Variants in LRRC4C observed in about 807,000 individuals in gnomAD.
The protein encoded by LRRC4C is leucine rich repeat containing 4C.
Under a neutral mutation model 33.6 loss-of-function variants are expected in LRRC4C, and 5 were observed. The ratio of observed to expected loss-of-function variants is 0.15; its 90% CI spans 0.08 to 0.31. The LOEUF (loss-of-function observed/expected upper bound fraction) is 0.31, where lower values mean the gene tolerates loss of function less well. Among genes scored for constraint, LRRC4C ranks in the 10% least tolerant of loss-of-function variants. The pLI is 1.00. For synonymous variants in LRRC4C, 329 were observed against 302.0 expected (o/e 1.09, Z -0.93); for missense variants, 560 against 796.7 (o/e 0.70, Z 3.58).
At chr11:41,373,127 G>T (rs1203749001) in intron 1 of LRRC4C, among the ~76,000 whole-genome samples, 4 of 152,112 alleles carry the variant, frequency 2.6e-5, no homozygotes, top group African/African-American at 7.2e-5. Context: ...CATTAGGAAA[G>T]AGTAGAGTCT....
At position 40,340,637 on chromosome 11, in the gene LRRC4C, T is replaced by A. The variant is rs189985712; in HGVS notation, c.-269-20916A>T. ...ACATTCTTTCATTTAATTCTTACAATTCTACAATATAGGAATTTTATAGCT... is the reference window on the plus strand; with the variant it reads ...ACATTCTTTCATTTAATTCTTACAAATCTACAATATAGGAATTTTATAGCT... On this transcript the variant is annotated intron_variant, in intron 3 of 6. Coordinates refer to ENST00000528697, the MANE Select transcript of LRRC4C (RefSeq NM_001258419.2). Among the ~76,000 whole-genome samples, 106 of 152,294 alleles carry A rather than the reference T, an allele frequency of 7.0e-4. 1 individual carries two copies. The highest frequency in any genetic ancestry group is 1.3e-3 in the Non-Finnish European group (90 of 68,012).
At chr11:40,270,687 G>A (rs1310968557) in intron 4 of LRRC4C, among the ~76,000 whole-genome samples, 2 of 152,096 alleles carry the variant, frequency 1.3e-5, no homozygotes, top group Non-Finnish European at 2.9e-5. Context: ...CAATGAGGTA[G>A]AGGTGAAGAG....
intron 3 of LRRC4C, among the ~76,000 whole-genome samples, chr11:40,427,341 T>TA (rs1299730592): frequency 6.6e-6 from 1 of 151,536 alleles, no homozygotes; most frequent in Non-Finnish European, 1.5e-5. Flanking sequence ...ACATCTCTAC[T>TA]AAAAATACAA....
intron 2 of LRRC4C, among the ~76,000 whole-genome samples, chr11:40,771,603 CT>C (rs1949760303): frequency 6.6e-6 from 1 of 152,194 alleles, no homozygotes; most frequent in Middle Eastern, 3.4e-3. Flanking sequence ...ATTTTCCAAA[CT>C]TTTTTGCTTT....
intron 5 of LRRC4C, among the ~76,000 whole-genome samples, chr11:40,211,636 G>T (rs1308180693): frequency 4.6e-5 from 7 of 152,136 alleles, no homozygotes; most frequent in Admixed American, 4.6e-4. Context: ...CCTACACTGA[G>T]CCCCAAATAT....
chr11:40,153,602 A>G (rs951707756), intron 5 of LRRC4C, among the ~76,000 whole-genome samples: 1 of 152,096 alleles, frequency 6.6e-6, no homozygotes, highest in Non-Finnish European at 1.5e-5. Flanking sequence ...AAAAAACAAT[A>G]AAAAATTCAG....
In LRRC4C at chr11:40,449,345, C is replaced by CAAA. The variant is rs11407596; in HGVS notation, c.-269-129627_-269-129625dup. The stretch of plus-strand genomic sequence containing the variant: ...ACAAAACAAAGCAAAACAAAAGAAG[C>CAAA]AAAAAAAAAAAAATCAACTAAATCA... On this transcript the variant is annotated intron_variant, in intron 3 of 6. Transcript: ENST00000528697. Among the ~76,000 whole-genome samples, 132 of 140,326 alleles carry CAAA rather than the reference C, an allele frequency of 9.4e-4. 2 individuals are homozygous for CAAA. Among genetic ancestry groups the CAAA allele is most frequent in the Admixed American group, 3.9e-3 (54 of 13,996 alleles). The allele number at this position is 140,326 out of a possible 152,430, so 92.1% of individuals were successfully genotyped here.
intron 1 of LRRC4C, among the ~76,000 whole-genome samples, chr11:41,214,745 ATCTCAAAAATAAAATATATATAT>A: frequency 2.7e-5 from 4 of 146,298 alleles, no homozygotes; most frequent in African/African-American, 1.0e-4. Flanking sequence ...GCCAGACTCC[ATCTCAAAAATAAAATATATATAT>A]ATATATACAC....
At chr11:41,146,055 A>G (rs918701238) in intron 1 of LRRC4C, among the ~76,000 whole-genome samples, 1 of 152,218 alleles carries the variant, frequency 6.6e-6, no homozygotes, top group Non-Finnish European at 1.5e-5. Context: ...ATAACTTTAT[A>G]CTACAATTAA....
intron 3 of LRRC4C, among the ~76,000 whole-genome samples, chr11:40,612,007 C>T (rs537778721): frequency 7.9e-5 from 12 of 151,792 alleles, no homozygotes; most frequent in Middle Eastern, 3.4e-3. Context: ...AAAAATAAAA[C>T]GACCATATGA....
Position 41,411,142 on chromosome 11 carries a change from A to ATTTTTTTTTTTTTT in LRRC4C, c.-496+48275_-496+48288dup, listed in dbSNP as rs370574515. On this transcript the variant is annotated intron_variant, in intron 1 of 6. Coordinates refer to ENST00000528697, the MANE Select transcript of LRRC4C (RefSeq NM_001258419.2). ...ATGAGAAACACTTGGTTGGTACCCT[A>ATTTTTTTTTTTTTT]TTTTTTTTTTTTTTTTTTTTTTTTG... Among the ~76,000 whole-genome samples, 285 of 57,186 alleles carry ATTTTTTTTTTTTTT rather than the reference A, an allele frequency of 5.0e-3. 47 individuals carry two copies. The highest frequency in any genetic ancestry group is 9.7e-3 in the African/African-American group (83 of 8,598). 37.5% of individuals were successfully genotyped at this position (57,186 alleles called of 152,430 possible). A position where few individuals can be genotyped will look rare whatever the true frequency, so the allele number is the denominator to read the frequency against.
intron 1 of LRRC4C, among the ~76,000 whole-genome samples, chr11:41,347,537 A>G (rs1277854969): frequency 3.9e-5 from 6 of 152,202 alleles, no homozygotes; most frequent in Non-Finnish European, 7.3e-5. Flanking sequence ...TTAAAATACA[A>G]AATTTCAGAG....
intron 1 of LRRC4C, among the ~76,000 whole-genome samples, chr11:41,044,437 G>C (rs1252839249): frequency 6.6e-6 from 1 of 152,030 alleles, no homozygotes; most frequent in East Asian, 1.9e-4. Flanking sequence ...CTGGTTTCTT[G>C]ACTCCATAAT....
At chr11:40,196,120 C>T (rs1862241310) in intron 5 of LRRC4C, among the ~76,000 whole-genome samples, 1 of 152,164 alleles carries the variant, frequency 6.6e-6, no homozygotes, top group African/African-American at 2.4e-5. Context: ...TCTTGTGTTT[C>T]TAGTAGGAGC....
At chr11:40,431,888 A>G (rs1950950841) in intron 3 of LRRC4C, among the ~76,000 whole-genome samples, 1 of 152,172 alleles carries the variant, frequency 6.6e-6, no homozygotes, top group East Asian at 1.9e-4. Flanking sequence ...ACACTATCAT[A>G]ACTCGCAGTA....
chr11:41,298,181 C>A (rs1406428049), intron 1 of LRRC4C, among the ~76,000 whole-genome samples: 1 of 152,148 alleles, frequency 6.6e-6, no homozygotes, highest in Non-Finnish European at 1.5e-5. Flanking sequence ...GTTTGCAGTT[C>A]TTTATACTTG....
intron 3 of LRRC4C, among the ~76,000 whole-genome samples, chr11:40,596,515 T>A (rs1424571230): frequency 6.6e-6 from 1 of 152,092 alleles, no homozygotes; most frequent in Non-Finnish European, 1.5e-5. Flanking sequence ...TTAACCGTAA[T>A]CATCCTGTTT....
intron 1 of LRRC4C, among the ~76,000 whole-genome samples, chr11:41,065,039 C>T (rs1055639627): frequency 6.6e-6 from 1 of 152,078 alleles, no homozygotes; most frequent in Admixed American, 6.5e-5. Flanking sequence ...GCGCCTGGTA[C>T]TCCAGTGAGA....
intron 2 of LRRC4C, among the ~76,000 whole-genome samples, chr11:40,890,599 C>T (rs1256010868): frequency 1.3e-5 from 2 of 152,044 alleles, no homozygotes; most frequent in Non-Finnish European, 2.9e-5. Context: ...TAACTTGGAT[C>T]AAAATTTTAG....
Sources: allele counts gnomAD v4.1 joint callset (sites outside exome capture counted in the v4.1 genomes callset), GRCh38; gene constraint gnomAD v4.1.1; transcripts MANE v1.5; gene names NCBI Gene and HGNC (gene_info 2026-07-23, HGNC 2026-07-21).